Variants in DCDC2C observed in about 807,000 individuals in gnomAD.
DCDC2C encodes the protein doublecortin domain containing 2C.
A neutral mutation model predicts 45.0 loss-of-function variants in DCDC2C; 44 were observed. The ratio of observed to expected loss-of-function variants is 0.98; its 90% CI spans 0.77 to 1.26. DCDC2C has a LOEUF of 1.26. DCDC2C is among the 50% of genes most tolerant of loss of function. The probability of loss-of-function intolerance (pLI) is 0.00; values close to 1 mark genes in which losing one functional copy is unlikely to be tolerated. For missense variants in DCDC2C, 447 were observed against 468.9 expected, an observed-to-expected ratio of 0.95 and a Z score of 0.43; for synonymous variants, 187 against 178.8, an observed-to-expected ratio of 1.05 and a Z score of -0.37.
chr2:3,756,874 C>T (rs999318080), intron 6 of DCDC2C, among the ~76,000 whole-genome samples: 1 of 152,138 alleles, frequency 6.6e-6, no homozygotes, highest in Non-Finnish European at 1.5e-5. Flanking sequence ...TTTTTTGTAG[C>T]TTCTTGAGTT....
chr2:3,746,661 C>T (rs947915875), intron 4 of DCDC2C, among the ~76,000 whole-genome samples: 1 of 152,176 alleles, frequency 6.6e-6, no homozygotes, highest in African/African-American at 2.4e-5. Flanking sequence ...AACAATCAAA[C>T]AAAACATCTG....
At chr2:3,748,900 C>T (rs1669453854) in intron 4 of DCDC2C, among the ~76,000 whole-genome samples, 1 of 152,180 alleles carries the variant, frequency 6.6e-6, no homozygotes, top group Non-Finnish European at 1.5e-5. Flanking sequence ...ACAGCTGAGA[C>T]CCATGAGCTT....
rs1400617781 is a variant in DCDC2C at position 3,703,582 on chromosome 2, T to TCCCGTC, written c.-162_-157dup. 1 of 616,826 alleles carries TCCCGTC rather than the reference T, an allele frequency of 1.6e-6. No homozygotes were observed. Among genetic ancestry groups the TCCCGTC allele is most frequent in the Non-Finnish European group, 2.2e-6 (1 of 450,396 alleles). 38.2% of individuals were successfully genotyped at this position (616,826 alleles called of 1,614,324 possible). A position where few individuals can be genotyped will look rare whatever the true frequency, so the allele number is the denominator to read the frequency against. ...AGCCTCCGCCCGCCTGGCAGCCCCG[T>TCCCGTC]CCCGTCCCCGTCCAGCCCCCGTCCC... On this transcript the variant is annotated 5_prime_UTR_variant, in exon 1 of 11. Coordinates refer to ENST00000399143, the MANE Select transcript of DCDC2C (RefSeq NM_001287444.2). This position sits in a 1 kb window ranked among gnomAD's most constrained non-coding sequence, Gnocchi z 4.4.
chr2:3,819,650 G>A (rs1481707524), intron 10 of DCDC2C, among the ~76,000 whole-genome samples: 5 of 152,194 alleles, frequency 3.3e-5, no homozygotes, highest in Non-Finnish European at 5.9e-5. Context: ...CAGGGTCTAC[G>A]GCTGTAAAGC....
At chr2:3,747,694 C>T (rs540465792) in intron 4 of DCDC2C, among the ~76,000 whole-genome samples, 1 of 152,310 alleles carries the variant, frequency 6.6e-6, no homozygotes, top group South Asian at 2.1e-4. Context: ...ACATACAGAA[C>T]CTTTCTTTAT....
chr2:3,731,312 C>T (rs1031696278), intron 3 of DCDC2C, among the ~76,000 whole-genome samples: 1 of 152,230 alleles, frequency 6.6e-6, no homozygotes, highest in African/African-American at 2.4e-5. Context: ...TGGGGCAGCA[C>T]TCACGTTTCT....
chr2:3,729,987 C>T (rs1221372037), intron 3 of DCDC2C, among the ~76,000 whole-genome samples: 1 of 152,148 alleles, frequency 6.6e-6, no homozygotes, highest in African/African-American at 2.4e-5. Flanking sequence ...CAGATCTATT[C>T]CTTGTAGAAC....
At chr2:3,834,967 T>C (rs913632645) in intron 10 of DCDC2C, among the ~76,000 whole-genome samples, 1 of 152,212 alleles carries the variant, frequency 6.6e-6, no homozygotes, top group Non-Finnish European at 1.5e-5. Flanking sequence ...TTTTCTAAAT[T>C]TGAACTAAGA....
chr2:3,810,543 A>C (rs922296932), intron 10 of DCDC2C, among the ~76,000 whole-genome samples: 2 of 151,964 alleles, frequency 1.3e-5, no homozygotes, highest in African/African-American at 4.8e-5. Context: ...TTGCCTGTGC[A>C]CTCTGATGAG....
At chr2:3,732,103 A>T (rs1399239615) in intron 3 of DCDC2C, among the ~76,000 whole-genome samples, 1 of 152,110 alleles carries the variant, frequency 6.6e-6, no homozygotes, top group African/African-American at 2.4e-5. Context: ...ATCGAGATGG[A>T]GGGAAACAGG....
intron 3 of DCDC2C, among the ~76,000 whole-genome samples, chr2:3,739,542 C>T (rs1217957097): frequency 6.6e-6 from 1 of 152,236 alleles, no homozygotes; most frequent in African/African-American, 2.4e-5. Context: ...GGCACCGGCA[C>T]ACCGGCAGGC....
chr2:3,704,115 C>CCCCAGGTGTCCT (rs1667962390), intron 1 of DCDC2C, 77 bp downstream of exon 1: 4 of 1,166,006 alleles, frequency 3.4e-6, no homozygotes, highest in Non-Finnish European at 3.2e-6. Context: ...AGGGCCGTGC[C>CCCCAGGTGTCCT]CCCCAGGTGT....
At chr2:3,774,597 C>G (rs1572606504) in intron 8 of DCDC2C, among the ~76,000 whole-genome samples, 1 of 152,100 alleles carries the variant, frequency 6.6e-6, no homozygotes, top group Admixed American at 6.5e-5. Flanking sequence ...AGAGGCTTTC[C>G]CAGGGACCCC....
chr2:3,788,834 T>TCCCTCCCTC (rs1670727475), intron 10 of DCDC2C, among the ~76,000 whole-genome samples: 1 of 111,076 alleles, frequency 9.0e-6, no homozygotes, highest in Non-Finnish European at 1.8e-5. Context: ...TTCCCTCCCT[T>TCCCTCCCTC]CCCCAACCCT....
intron 2 of DCDC2C, among the ~76,000 whole-genome samples, chr2:3,716,351 A>T (rs1453542302): frequency 6.6e-6 from 1 of 152,122 alleles, no homozygotes; most frequent in Non-Finnish European, 1.5e-5. Flanking sequence ...ATCTGTGTCA[A>T]ACGCTGCTGA....
At chr2:3,783,699 A>G (rs1427082103) in intron 9 of DCDC2C, among the ~76,000 whole-genome samples, 1 of 152,248 alleles carries the variant, frequency 6.6e-6, no homozygotes, top group Non-Finnish European at 1.5e-5. Flanking sequence ...CAGTGGAGGT[A>G]GCGTGGGGCA....
At chr2:3,727,151 A>T in intron 3 of DCDC2C, 72 bp downstream of exon 3, 3 of 1,276,460 alleles carry the variant, frequency 2.4e-6, no homozygotes, top group Non-Finnish European at 3.3e-6. Context: ...TTCTATCCTG[A>T]CAAATGCCCC....
In DCDC2C at chr2:3,734,936, G is replaced by A. The variant is rs1321487283; in HGVS notation, c.417-6984G>A. Among the ~76,000 whole-genome samples, 1 of 152,096 alleles carries A rather than the reference G, an allele frequency of 6.6e-6. No homozygotes were observed. The highest frequency in any genetic ancestry group is 1.5e-5 in the Non-Finnish European group (1 of 68,018). On this transcript the variant is annotated intron_variant, in intron 3 of 10. Coordinates refer to ENST00000399143, the MANE Select transcript of DCDC2C (RefSeq NM_001287444.2). This position sits in a 1 kb window ranked among gnomAD's most constrained non-coding sequence, Gnocchi z 4.2. ...CGGGTCCAGGGATGACTCCCTTATC[G>A]TGGCCTAAAGAGAGGAGGCAATTGG... is the stretch of plus-strand genomic sequence containing the variant.
intron 8 of DCDC2C, among the ~76,000 whole-genome samples, chr2:3,771,917 G>A (rs958299804): frequency 2.0e-5 from 3 of 152,240 alleles, no homozygotes; most frequent in African/African-American, 7.2e-5. Context: ...GTGAAGGACG[G>A]TTTGGCCCTA....
Sources: allele counts gnomAD v4.1 joint callset (sites outside exome capture counted in the v4.1 genomes callset), GRCh38; gene constraint gnomAD v4.1.1; non-coding constraint Gnocchi (gnomAD v3.1); transcripts MANE v1.5; gene names NCBI Gene and HGNC (gene_info 2026-07-23, HGNC 2026-07-21).